ZNF469: variants seen among roughly 807,000 people sequenced by gnomAD.
ZNF469 encodes the protein zinc finger protein 469.
A neutral mutation model predicts 1.0 loss-of-function variants in ZNF469; 1 was observed. The observed-to-expected ratio is 1.00, with a 90% CI of 0.35 to 4.73. The LOEUF is 4.73. Ranked by LOEUF, ZNF469 falls within the 30% of genes most tolerant of loss-of-function variation. The pLI, the probability that ZNF469 is intolerant of heterozygous loss-of-function variation, is 0.16. For missense variants in ZNF469, 6,100 were observed against 5,356.3 expected (o/e 1.14, Z -4.33); for synonymous variants, 2,703 against 2,363.4 (o/e 1.14, Z -4.17).
the ZNF469 span, among the ~76,000 whole-genome samples, chr16:88,188,196 A>G: frequency 1.2e-4 from 18 of 151,812 alleles, no homozygotes; most frequent in East Asian, 3.5e-3. Flanking sequence ...TTTCCTTCCA[A>G]GGTCCAGATC....
chr16:88,245,842 G>T, the ZNF469 span, among the ~76,000 whole-genome samples: 1 of 152,288 alleles, frequency 6.6e-6, no homozygotes. Context: ...CTGAAGTCCA[G>T]ACATTGAGCG....
At chr16:88,113,694 G>T in the ZNF469 span, among the ~76,000 whole-genome samples, 1 of 152,222 alleles carries the variant, frequency 6.6e-6, no homozygotes, top group Non-Finnish European at 1.5e-5. Context: ...TCTTAAACGG[G>T]TAACAAGTGG....
chr16:88,438,952 A>T lies in ZNF469; in HGVS notation c.11482A>T (p.Ser3828Cys). 3 of 1,550,540 alleles carry T rather than the reference A, an allele frequency of 1.9e-6. No homozygotes were observed. The highest frequency in any genetic ancestry group is 2.6e-6 in the Non-Finnish European group (3 of 1,146,982). ...KKGQVPGPAR[S>C]ESVGSFGRAP... ...GGGCCAGGTCCCAGGGCCAGCCAGG[A>T]GTGAAAGTGTGGGGAGCTTCGGGAG... The change falls in exon 3 of 3, where the codon AGT (serine) becomes TGT (cysteine). Residue 3828 changes from serine (S) to cysteine (C), a missense_variant. Ser to Cys is a moderately radical substitution (Grantham distance 112). Coordinates refer to ENST00000565624, the MANE Select transcript of ZNF469 (RefSeq NM_001367624.2).
At chr16:88,200,104 C>A in the ZNF469 span, among the ~76,000 whole-genome samples, 3 of 146,184 alleles carry the variant, frequency 2.1e-5, no homozygotes, top group Non-Finnish European at 4.5e-5. Context: ...TGACAGGTGA[C>A]GGGAGGAGTG....
the ZNF469 span, among the ~76,000 whole-genome samples, chr16:88,211,008 C>T: frequency 8.5e-5 from 13 of 152,388 alleles, no homozygotes; most frequent in African/African-American, 2.9e-4. Context: ...CCGATGCCTT[C>T]GGCCGTTGAG....
At chr16:88,415,098 T>C (rs761684943) in intron 1 of ZNF469, among the ~76,000 whole-genome samples, 3 of 152,152 alleles carry the variant, frequency 2.0e-5, no homozygotes, top group Non-Finnish European at 4.4e-5. Context: ...CCTTCCCCTC[T>C]CTGAGCCTCG....
rs1274035279 is a variant in ZNF469 at position 88,432,270 on chromosome 16, C to T, written c.4800C>T (p.Gly1600=). 6.5e-7 allele frequency: 1 copy of T among 1,547,510 alleles called. No individual in the cohort carries two copies. Among genetic ancestry groups the T allele is most frequent in the Non-Finnish European group, 8.7e-7 (1 of 1,146,962 alleles). The change falls in exon 3 of 3, where the codon GGC becomes GGT. Residue 1600 remains glycine (G), a synonymous_variant. Transcript: ENST00000565624. ...EAESVGRVEL[G]TGTEPPSQRR... is the part of the protein sequence containing the mutation. ...AGTCGGTGGGCAGGGTGGAGCTCGG[C>T]ACAGGCACAGAGCCACCCTCCCAAC...
intron 1 of ZNF469, among the ~76,000 whole-genome samples, chr16:88,391,776 T>C (rs2142265286): frequency 6.6e-6 from 1 of 152,354 alleles, no homozygotes; most frequent in East Asian, 1.9e-4. Flanking sequence ...GACTGAACTT[T>C]TCTGTAACAT....
rs992432439 is a variant in ZNF469 at position 88,428,677 on chromosome 16, C to G, written c.1207C>G (p.Gln403Glu). 2 of 1,549,920 alleles carry G rather than the reference C, an allele frequency of 1.3e-6. No individual in the cohort carries two copies. The highest frequency in any genetic ancestry group is 2.0e-5 in the Admixed American group (1 of 51,010). ...STRGPPSSLPQRHFPGQAYRA... is the reference protein window; with the variant it reads ...STRGPPSSLPERHFPGQAYRA... ...GAGAGGGCCCCCTAGCTCCCTACCCCAGAGGCACTTTCCAGGGCAGGCGTA... is the reference window on the plus strand; with the variant it reads ...GAGAGGGCCCCCTAGCTCCCTACCCGAGAGGCACTTTCCAGGGCAGGCGTA... Residue 403 changes from glutamine (Q) to glutamate (E), a missense_variant, in exon 3 of 3, where the codon CAG becomes GAG. Gln to Glu is a conservative substitution (Grantham distance 29). Coordinates refer to ENST00000565624, the MANE Select transcript of ZNF469 (RefSeq NM_001367624.2).
chr16:88,381,992 A>G (rs563050201), upstream of ZNF469, among the ~76,000 whole-genome samples: 4 of 152,222 alleles, frequency 2.6e-5, no homozygotes, highest in Non-Finnish European at 5.9e-5. Context: ...AGCGTGCTTG[A>G]CCTGCTCCCG....
At chr16:88,199,749 C>G in the ZNF469 span, among the ~76,000 whole-genome samples, 1 of 152,236 alleles carries the variant, frequency 6.6e-6, no homozygotes, top group African/African-American at 2.4e-5. Flanking sequence ...GGGGCAGCCT[C>G]AGGTCACACC....
chr16:88,221,182 A>G, the ZNF469 span, among the ~76,000 whole-genome samples: 1 of 152,170 alleles, frequency 6.6e-6, no homozygotes, highest in Non-Finnish European at 1.5e-5. Context: ...CAGGCCTCAC[A>G]CCAGAGAGAT....
At chr16:88,152,078 GAGCTGGCTTTGGAGA>G in the ZNF469 span, among the ~76,000 whole-genome samples, 3 of 152,240 alleles carry the variant, frequency 2.0e-5, no homozygotes, top group Non-Finnish European at 4.4e-5. The surrounding 1 kb of genome is among the most constrained non-coding windows in gnomAD (Gnocchi z 4.2). Flanking sequence ...CCCACAGAGA[GAGCTGGCTTTGGAGA>G]AGATGGCCTG....
the ZNF469 span, among the ~76,000 whole-genome samples, chr16:88,257,477 T>C: frequency 5.3e-5 from 8 of 152,216 alleles, no homozygotes; most frequent in African/African-American, 1.7e-4. Context: ...TTTCATTTTT[T>C]GGCAGCATCT....
At chr16:88,332,348 G>A in the ZNF469 span, among the ~76,000 whole-genome samples, 121 of 152,296 alleles carry the variant, frequency 7.9e-4, 1 homozygote, top group African/African-American at 2.6e-3. Context: ...GAGCTGGCGC[G>A]GGTGCCTGAG....
chr16:88,323,914 A>AC, the ZNF469 span, among the ~76,000 whole-genome samples: 2 of 152,014 alleles, frequency 1.3e-5, no homozygotes, highest in Admixed American at 6.5e-5. Flanking sequence ...CCACCATTTC[A>AC]CCCCTCCCAG....
chr16:88,243,950 A>ATATATG, the ZNF469 span, among the ~76,000 whole-genome samples: 3 of 72,450 alleles, frequency 4.1e-5, no homozygotes, highest in Non-Finnish European at 1.1e-4. Flanking sequence ...ATATATATAT[A>ATATATG]TAAATGTATG....
rs760719090 is a variant in ZNF469, at chr16:88,435,265, G to A, written c.7795G>A (p.Glu2599Lys). Residue 2599 changes from glutamate to lysine, a missense_variant, in exon 3 of 3, where the codon GAA becomes AAA. By Grantham distance (56) the Glu-to-Lys change is moderately conservative. Coordinates refer to ENST00000565624, the MANE Select transcript of ZNF469 (RefSeq NM_001367624.2). ...CAAGCCCAGACCAGACCAGGCCAGG[G>A]AAGATGAGCTGCATCCCAAACAGGC... Reference protein sequence around the residue: ...ASKPRPDQAREDELHPKQAEK... With the variant: ...ASKPRPDQARKDELHPKQAEK... 9.0e-6 allele frequency: 14 copies of A among 1,550,282 alleles called. No individual in the cohort carries two copies. In the African/African-American group the frequency reaches 1.5e-4, roughly 17 times the overall value.
intron 1 of ZNF469, among the ~76,000 whole-genome samples, chr16:88,420,943 G>A (rs925004877): frequency 2.0e-5 from 3 of 151,968 alleles, no homozygotes; most frequent in African/African-American, 7.3e-5. Flanking sequence ...GTGGGGGTCG[G>A]GAGGAAGGGA....
Sources: gnomAD v4.1 joint callset for allele counts (sites outside exome capture counted in the v4.1 genomes callset) on GRCh38, gnomAD v4.1.1 for gene constraint, Gnocchi (gnomAD v3.1) non-coding constraint, MANE v1.5 for transcripts, NCBI Gene and HGNC (gene_info 2026-07-23, HGNC 2026-07-21) for gene names.